Variants in CNIH3 observed in about 807,000 individuals in gnomAD.
CNIH3 encodes cornichon family AMPA receptor auxiliary protein 3.
A neutral mutation model predicts 24.1 loss-of-function variants in CNIH3; 14 were observed. The observed-to-expected ratio is 0.58, with a 90% CI of 0.38 to 0.91. The LOEUF is 0.91. Among genes scored for constraint, CNIH3 ranks in the 40% least tolerant of loss-of-function variants. CNIH3 has a pLI of 0.00. For missense variants in CNIH3, 178 were observed against 196.8 expected (o/e 0.90, Z 0.57); for synonymous variants, 68 against 73.8 (o/e 0.92, Z 0.40).
chr1:224,620,583 T>G (rs1219927043), intron 1 of CNIH3, among the ~76,000 whole-genome samples: 1 of 152,188 alleles, frequency 6.6e-6, no homozygotes, highest in Non-Finnish European at 1.5e-5. Context: ...TTTATTTAAA[T>G]TAGACTTCTG....
intron 1 of CNIH3, among the ~76,000 whole-genome samples, chr1:224,495,958 A>G (rs769181485): frequency 2.0e-5 from 3 of 152,192 alleles, no homozygotes; most frequent in Admixed American, 6.5e-5. Context: ...TCTGTGAGCT[A>G]TCCGTGGGCA....
chr1:224,469,390 C>A (rs7536608), intron 1 of CNIH3, among the ~76,000 whole-genome samples: 31,723 of 152,072 alleles, frequency 0.21, 3,548 homozygotes, highest in Middle Eastern at 0.26. Context: ...CCTGATTTTT[C>A]TTCTTTAGCC....
chr1:224,631,034 C>T (rs1683794834), intron 1 of CNIH3, among the ~76,000 whole-genome samples: 1 of 152,050 alleles, frequency 6.6e-6, no homozygotes. Flanking sequence ...TGGTGCGTGC[C>T]TGTCATCCCA....
At chr1:224,730,648 C>A in intron 4 of CNIH3, 74 bp downstream of exon 4, 3 of 852,478 alleles carry the variant, frequency 3.5e-6, no homozygotes, top group South Asian at 1.5e-5. Flanking sequence ...ATGATGTCAC[C>A]CAAATAGACA....
At chr1:224,480,145 C>T (rs1676751411) in intron 1 of CNIH3, among the ~76,000 whole-genome samples, 1 of 152,202 alleles carries the variant, frequency 6.6e-6, no homozygotes, top group African/African-American at 2.4e-5. Flanking sequence ...GTAGGCTCAA[C>T]ACCATGTGGA....
chr1:224,558,105 G>T (rs1680217171), intron 3 of CNIH3, among the ~76,000 whole-genome samples: 1 of 152,194 alleles, frequency 6.6e-6, no homozygotes, highest in Non-Finnish European at 1.5e-5. Context: ...TCTTCTGCCA[G>T]TCTTGCCTGG....
At chr1:224,644,692 C>T (rs6680134) in intron 1 of CNIH3, among the ~76,000 whole-genome samples, 3,494 of 152,254 alleles carry the variant, frequency 0.023, 110 homozygotes, top group African/African-American at 0.077. Context: ...TGCTGTATGC[C>T]AAACAATTTT....
downstream of CNIH3, among the ~76,000 whole-genome samples, chr1:224,537,803 A>T (rs1679346258): frequency 6.6e-6 from 1 of 152,222 alleles, no homozygotes; most frequent in Non-Finnish European, 1.5e-5. Flanking sequence ...ATACAGGGAG[A>T]CGCTGGATTA....
intron 3 of CNIH3, among the ~76,000 whole-genome samples, chr1:224,706,175 A>G (rs978361962): frequency 1.3e-5 from 2 of 152,152 alleles, no homozygotes; most frequent in Non-Finnish European, 2.9e-5. Context: ...TGAGAATTCT[A>G]CAGTCACAGT....
chr1:224,545,913 C>G (rs1038597976), intron 2 of CNIH3, among the ~76,000 whole-genome samples: 2 of 152,140 alleles, frequency 1.3e-5, no homozygotes, highest in Admixed American at 6.5e-5. Context: ...AGTCCAACAT[C>G]AAGGTGTTGG....
chr1:224,638,266 G>A (rs1684189604), intron 1 of CNIH3, among the ~76,000 whole-genome samples: 1 of 152,220 alleles, frequency 6.6e-6, no homozygotes, highest in Non-Finnish European at 1.5e-5. Flanking sequence ...TGTCAGCAGA[G>A]GATTCAGGTG....
At position 224,722,213 on chromosome 1, in the gene CNIH3, G is replaced by A. The variant is rs190417147; in HGVS notation, c.199-8249G>A. 3.3e-5 allele frequency among the ~76,000 whole-genome samples: 5 copies of A among 152,258 alleles called. No individual in the cohort carries two copies. In the East Asian group the frequency reaches 7.7e-4, roughly 24 times the overall value. ...TCAGATGGGATTGGGCATATTCCAG[G>A]TGTTATGGCCCGGTGACCCTTGTAC... On this transcript the variant is annotated intron_variant, in intron 3 of 5. Transcript: ENST00000272133.
At chr1:224,660,872 A>C (rs1685319001) in intron 1 of CNIH3, among the ~76,000 whole-genome samples, 1 of 152,222 alleles carries the variant, frequency 6.6e-6, no homozygotes, top group Non-Finnish European at 1.5e-5. Context: ...TGCTGGTGTT[A>C]GTGTACAATC....
intron 4 of CNIH3, among the ~76,000 whole-genome samples, chr1:224,579,142 C>T (rs1254555923): frequency 6.7e-6 from 1 of 148,356 alleles, no homozygotes; most frequent in Non-Finnish European, 1.5e-5. Flanking sequence ...ATTTTAACAT[C>T]TTGCCCTTGA....
intron 2 of CNIH3, among the ~76,000 whole-genome samples, chr1:224,527,005 C>T (rs1678873497): frequency 6.6e-6 from 1 of 152,202 alleles, no homozygotes; most frequent in Admixed American, 6.5e-5. Context: ...GACCCAATCA[C>T]CTCCCATCAG....
intron 5 of CNIH3, among the ~76,000 whole-genome samples, chr1:224,738,901 C>G (rs1689727610): frequency 6.6e-6 from 1 of 152,178 alleles, no homozygotes; most frequent in Admixed American, 6.5e-5. Flanking sequence ...TCCCCCAGCA[C>G]TACCGTATTA....
At chr1:224,624,130 T>G (rs1404562690) in intron 1 of CNIH3, among the ~76,000 whole-genome samples, 1 of 152,220 alleles carries the variant, frequency 6.6e-6, no homozygotes, top group African/African-American at 2.4e-5. Context: ...GTTTCCTTTC[T>G]GGCCACCTGA....
chr1:224,452,556 C>A (rs554479983), intron 1 of CNIH3, among the ~76,000 whole-genome samples: 3 of 151,542 alleles, frequency 2.0e-5, no homozygotes, highest in Admixed American at 6.6e-5. Context: ...CCAAGGTGGG[C>A]GGATCACAAG....
At chr1:224,449,988 T>TACACACATTATACACGCACAC (rs1675324152) in intron 1 of CNIH3, among the ~76,000 whole-genome samples, 1 of 151,286 alleles carries the variant, frequency 6.6e-6, no homozygotes, top group Non-Finnish European at 1.5e-5. Flanking sequence ...TATATACACA[T>TACACACATTATACACGCACAC]ACACACATTA....
Sources: gnomAD v4.1 joint callset for allele counts (sites outside exome capture counted in the v4.1 genomes callset) on GRCh38, gnomAD v4.1.1 for gene constraint, MANE v1.5 for transcripts, NCBI Gene and HGNC (gene_info 2026-07-23, HGNC 2026-07-21) for gene names.